Variants in ALDH16A1 observed in about 807,000 individuals in gnomAD.
ALDH16A1 encodes the protein aldehyde dehydrogenase 16 family member A1, also known as aldehyde dehydrogenase family 16 member A1.
A neutral mutation model predicts 96.1 loss-of-function variants in ALDH16A1; 88 were observed. The observed-to-expected ratio is 0.92, with a 90% confidence interval of 0.77 to 1.09. The LOEUF (loss-of-function observed/expected upper bound fraction) is 1.09. Ranked by LOEUF, ALDH16A1 falls within the 50% of genes least tolerant of loss-of-function variation. ALDH16A1 has a pLI of 0.00. For synonymous variants in ALDH16A1, 522 were observed against 496.4 expected (o/e 1.05, Z -0.69); for missense variants, 1,250 against 1,112.6 (o/e 1.12, Z -1.76).
chr19:49,464,866 A>G (rs1037255019), intron 12 of ALDH16A1, 104 bp downstream of exon 12: 3 of 1,542,004 alleles, frequency 1.9e-6, no homozygotes, highest in Non-Finnish European at 2.6e-6. Flanking sequence ...CATCCAAACC[A>G]TCTCTTAGTC....
chr19:49,466,052 C>CG, intron 13 of ALDH16A1, 30 bp from the exon 14 acceptor site: 1 of 1,539,496 alleles, frequency 6.5e-7, no homozygotes, highest in Non-Finnish European at 8.7e-7. Flanking sequence ...ACCAGGATGC[C>CG]AACCCCCACT....
At position 49,459,829 on chromosome 19, in the gene ALDH16A1, G is replaced by A. The variant is rs1443172826; in HGVS notation, c.480G>A (p.Leu160=). 1.2e-6 allele frequency: 2 copies of A among 1,613,334 alleles called. No homozygotes were observed. Among genetic ancestry groups the A allele is most frequent in the Non-Finnish European group, 8.5e-7 (1 of 1,179,810 alleles). ...AGGCATCCACCCAGGAGGAGGCACT[G>A]GCAGGCTGGGAGCCCATGGGTGAGA... ...AIQASTQEEA[L]AGWEPMGVIG... is the part of the protein sequence containing the mutation. Residue 160 remains leucine, a synonymous_variant, in exon 4 of 17, where the codon CTG becomes CTA. Transcript: ENST00000293350. The surrounding 1 kb of genome is among the most constrained non-coding windows in gnomAD (Gnocchi z 4.1).
At chr19:49,462,940 A>G (rs1601031168) in intron 8 of ALDH16A1, among the ~76,000 whole-genome samples, 185 bp downstream of exon 8, 1 of 69,486 alleles carries the variant, frequency 1.4e-5, no homozygotes, top group Admixed American at 1.5e-4. Flanking sequence ...CTGAGGGAGG[A>G]GGTGCTGGGG....
At chr19:49,454,514 C>T (rs10406949) in intron 1 of ALDH16A1, among the ~76,000 whole-genome samples, 3,217 of 152,104 alleles carry the variant, frequency 0.021, 129 homozygotes, top group African/African-American at 0.073. Context: ...CCCTCAGAGG[C>T]CCCCAGAACC....
rs778725984 is a variant in ALDH16A1 at position 49,464,674 on chromosome 19, C to T, written c.1480C>T (p.Leu494=). The T allele has an allele frequency of 6.2e-7, 1 of 1,614,218 alleles. No homozygotes were observed. Among genetic ancestry groups the T allele is most frequent in the Admixed American group, 1.7e-5 (1 of 60,024 alleles). The change falls in exon 12 of 17, where the codon CTG becomes TTG. Residue 494 remains leucine, a synonymous_variant. Transcript: ENST00000293350. ...GCGGCCCTCAGGGACCCCTGCCCGG[C>T]TGTCCTGCCTCTCCAAGAACCTGAA... The part of the protein sequence containing the change: ...YLRPSGTPAR[L]SCLSKNLNYD...
At position 49,462,013 on chromosome 19, in the gene ALDH16A1, G is replaced by C. The variant is rs758438027; in HGVS notation, c.889G>C (p.Ala297Pro). 1 of 1,543,668 alleles carries C rather than the reference G, an allele frequency of 6.5e-7. No homozygotes were observed. The highest frequency in any genetic ancestry group is 1.4e-5 in the African/African-American group (1 of 73,118). The change falls in exon 7 of 17, where the codon GCC becomes CCC. Residue 297 changes from alanine (A) to proline (P), a missense_variant. Physicochemically the swap from Ala to Pro is conservative, Grantham distance 27. Transcript: ENST00000293350. ...CTCGGCCGTGGAGGGTGTCGTGGACGCCGCCTGGTCCGACCGCGGCCCGGT... is the reference window on the plus strand; with the variant it reads ...CTCGGCCGTGGAGGGTGTCGTGGACCCCGCCTGGTCCGACCGCGGCCCGGT... ...VDSAVEGVVD[A>P]AWSDRGPGGL...
Position 49,468,515 on chromosome 19 carries a change from G to T in ALDH16A1, c.2073G>T (p.Val691=). The part of the protein sequence containing the change: ...LAPALAYGNT[V]VMVPSAACPL... ...CCGCCCTGGCCTACGGCAACACTGTGGTCATGGTGCCCAGTGCGGCCTGTC... is the reference window on the plus strand; with the variant it reads ...CCGCCCTGGCCTACGGCAACACTGTTGTCATGGTGCCCAGTGCGGCCTGTC... Residue 691 remains valine (V), a synonymous_variant, in exon 15 of 17, where the codon GTG becomes GTT. Transcript: ENST00000293350. The surrounding 1 kb of genome is among the most constrained non-coding windows in gnomAD (Gnocchi z 4.4). 1 of 1,604,482 alleles carries T rather than the reference G, an allele frequency of 6.2e-7. No homozygotes were observed. The highest frequency in any genetic ancestry group is 1.1e-5 in the South Asian group (1 of 91,066).
Position 49,461,784 on chromosome 19 carries a change from T to A in ALDH16A1, c.743T>A (p.Phe248Tyr). ...CAGCCTGGAATCCGGAAGGTGGCCT[T>A]CTGCGGAGCCCCGGAGGTACCTTCG... Reference protein sequence around the residue: ...ASQPGIRKVAFCGAPEEGRAL... With the variant: ...ASQPGIRKVAYCGAPEEGRAL... Residue 248 changes from phenylalanine (F) to tyrosine (Y), a missense_variant, in exon 6 of 17, where the codon TTC (phenylalanine) becomes TAC (tyrosine). Transcript: ENST00000293350. The A allele has an allele frequency of 6.2e-7, 1 of 1,611,294 alleles. No homozygotes were observed. Among genetic ancestry groups the A allele is most frequent in the South Asian group, 1.1e-5 (1 of 90,690 alleles).
chr19:49,461,822 T>C (rs1782674307), intron 6 of ALDH16A1, 22 bp downstream of exon 6: 1 of 1,606,514 alleles, frequency 6.2e-7, no homozygotes, highest in African/African-American at 1.3e-5. Flanking sequence ...ACAGGGGTCG[T>C]GGCGGAACGC....
Position 49,453,311 on chromosome 19 carries a change from G to C in ALDH16A1, c.-21G>C, listed in dbSNP as rs1328138532. On this transcript the variant is annotated 5_prime_UTR_variant, in exon 1 of 17. Transcript: ENST00000293350. Reference sequence around the variant, plus strand: ...ACACAGAGCGCCCCGCAGTCTTCGCGGAAAGCGTTCGGGGTAGGCGATGGC... The same window carrying C: ...ACACAGAGCGCCCCGCAGTCTTCGCCGAAAGCGTTCGGGGTAGGCGATGGC... 2 of 1,541,916 alleles carry C rather than the reference G, an allele frequency of 1.3e-6. No homozygotes were observed. The highest frequency in any genetic ancestry group is 1.7e-6 in the Non-Finnish European group (2 of 1,144,516).
intron 10 of ALDH16A1, 58 bp from the exon 11 acceptor site, chr19:49,464,359 C>G (rs998719705): frequency 3.2e-6 from 5 of 1,561,688 alleles, no homozygotes; most frequent in East Asian, 2.4e-5. Context: ...TAACTCACCC[C>G]TCTCCCGGCC....
At chr19:49,466,380 C>A in intron 14 of ALDH16A1, 97 bp downstream of exon 14, 2 of 1,273,696 alleles carry the variant, frequency 1.6e-6, no homozygotes, top group Non-Finnish European at 2.1e-6. Context: ...CGGGCCCAGC[C>A]CCACCGCCTT....
intron 6 of ALDH16A1, 30 bp downstream of exon 6, chr19:49,461,830 C>T (rs778989151): frequency 1.9e-5 from 31 of 1,604,342 alleles, no homozygotes; most frequent in South Asian, 6.7e-5. Context: ...CGTGGCGGAA[C>T]GCGGCTGGGG....
chr19:49,453,331 G>A lies in ALDH16A1; in HGVS notation c.-1G>A. The stretch of plus-strand genomic sequence containing the variant: ...TTCGCGGAAAGCGTTCGGGGTAGGC[G>A]ATGGCTGCGACGCGTGCAGGGCCCC... On this transcript the variant is annotated 5_prime_UTR_variant, in exon 1 of 17. Coordinates refer to ENST00000293350, the MANE Select transcript of ALDH16A1 (RefSeq NM_153329.4). 2 of 1,563,886 alleles carry A rather than the reference G, an allele frequency of 1.3e-6. No individual in the cohort carries two copies.
chr19:49,458,576 G>A lies in ALDH16A1; in HGVS notation c.181G>A (p.Asp61Asn), dbSNP rs2079118717. ...ACACAGAAATTCAGTGCCTTGCCAG[G>A]ATCCCATCACAGGTACGAGATGTCC... ...PEHRNSVPCQDPITGENLASC... is the reference protein window; with the variant it reads ...PEHRNSVPCQNPITGENLASC... The change falls in exon 2 of 17, where the codon GAT (aspartate) becomes AAT (asparagine). Residue 61 changes from aspartate (D) to asparagine (N), a missense_variant. Asp to Asn is a conservative substitution (Grantham distance 23). Coordinates refer to ENST00000293350, the MANE Select transcript of ALDH16A1 (RefSeq NM_153329.4). The A allele has an allele frequency of 6.4e-7, 1 of 1,559,678 alleles. No individual in the cohort carries two copies. The highest frequency in any genetic ancestry group is 8.7e-7 in the Non-Finnish European group (1 of 1,150,284).
In ALDH16A1 at chr19:49,470,513, G is replaced by A. The variant is rs749961912; in HGVS notation, c.*46G>A. On this transcript the variant is annotated 3_prime_UTR_variant, in exon 17 of 17. Transcript: ENST00000293350. ...CATTTTGGACACCTCACACCAAGGG[G>A]AGATGCACCCCACAGACACCTGGGA... is the stretch of plus-strand genomic sequence containing the variant. 4.1e-6 allele frequency: 6 copies of A among 1,461,718 alleles called. No individual in the cohort carries two copies. The East Asian group carries it at 1.3e-4, about 31-fold the overall frequency. The allele number at this position is 1,461,718 out of a possible 1,614,324, so 90.5% of individuals were successfully genotyped here. A position where few individuals can be genotyped will look rare whatever the true frequency, so the allele number is the denominator to read the frequency against.
Position 49,459,628 on chromosome 19 carries a change from G to C in ALDH16A1, c.321-42G>C, listed in dbSNP as rs2079125913. 1 of 1,569,330 alleles carries C rather than the reference G, an allele frequency of 6.4e-7. No individual in the cohort carries two copies. Among genetic ancestry groups the C allele is most frequent in the South Asian group, 1.2e-5 (1 of 83,904 alleles). ...GAGCAGCCCAGGACTCTGCAAGGCT[G>C]AGGGCCGTTGGAAAATGAGCACCCT... On this transcript the variant is annotated intron_variant, in intron 3 of 16. Transcript: ENST00000293350. This position sits in a 1 kb window ranked among gnomAD's most constrained non-coding sequence, Gnocchi z 4.1.
intron 14 of ALDH16A1, among the ~76,000 whole-genome samples, 163 bp downstream of exon 14, chr19:49,466,446 C>G (rs1459109339): frequency 6.6e-6 from 1 of 152,220 alleles, no homozygotes; most frequent in African/African-American, 2.4e-5. Flanking sequence ...GTTCCCTCAT[C>G]TGTACAGTGA....
At position 49,461,690 on chromosome 19, in the gene ALDH16A1, C is replaced by T; in HGVS notation, c.649C>T (p.Leu217=). The change falls in exon 6 of 17, where the codon CTG becomes TTG. Residue 217 remains leucine (L), a synonymous_variant. Transcript: ENST00000293350. ...CCTCCTGGCCCAGCTGGCGGGGGAG[C>T]TGGGCCCCTTCCCGGGAATCCTGAA... ...PLLLAQLAGE[L]GPFPGILNVL... 1 of 1,608,182 alleles carries T rather than the reference C, an allele frequency of 6.2e-7. No homozygotes were observed. Among genetic ancestry groups the T allele is most frequent in the Non-Finnish European group, 8.5e-7 (1 of 1,177,488 alleles).
Sources: gnomAD v4.1 joint callset for allele counts (sites outside exome capture counted in the v4.1 genomes callset) on GRCh38, gnomAD v4.1.1 for gene constraint, Gnocchi (gnomAD v3.1) non-coding constraint, MANE v1.5 for transcripts, NCBI Gene and HGNC (gene_info 2026-07-23, HGNC 2026-07-21) for gene names.